The following MTMR10 variants were observed in gnomAD, a reference collection of about 807,000 sequenced individuals.
MTMR10 encodes the protein myotubularin-related protein 10.
In MTMR10, 56 loss-of-function variants were observed where a neutral mutation model predicts 88.1. The observed-to-expected ratio is 0.64, with a 90% CI of 0.51 to 0.79. The LOEUF (loss-of-function observed/expected upper bound fraction) is 0.79, where lower values mean the gene tolerates loss of function less well. MTMR10 is among the 30% of genes least tolerant of loss of function. The pLI is 0.00. For missense variants in MTMR10, 883 were observed against 924.7 expected, an observed-to-expected ratio of 0.95 and a Z score of 0.58; for synonymous variants, 380 against 340.9, an observed-to-expected ratio of 1.11 and a Z score of -1.26.
At chr15:30,931,514 A>G in the MTMR10 span, among the ~76,000 whole-genome samples, 1 of 152,244 alleles carries the variant, frequency 6.6e-6, no homozygotes, top group Non-Finnish European at 1.5e-5. Flanking sequence ...CAAGGTCACA[A>G]AGAGTTTCTC....
intron 6 of MTMR10, among the ~76,000 whole-genome samples, chr15:30,965,131 T>C (rs1048017388): frequency 1.3e-5 from 2 of 152,232 alleles, no homozygotes; most frequent in Admixed American, 6.5e-5. Flanking sequence ...TCCTGATGTA[T>C]ACAGCTGGCT....
chr15:30,960,812 C>T, intron 7 of MTMR10, 69 bp downstream of exon 7: 1 of 1,405,318 alleles, frequency 7.1e-7, no homozygotes, highest in Non-Finnish European at 9.3e-7. Flanking sequence ...TCAATGACAA[C>T]AGAGTTTGAT....
At chr15:30,978,740 C>T (rs1042039386) in intron 2 of MTMR10, among the ~76,000 whole-genome samples, 1 of 152,088 alleles carries the variant, frequency 6.6e-6, no homozygotes, top group African/African-American at 2.4e-5. Flanking sequence ...TAGTGGACTT[C>T]GCACTTATAA....
chr15:30,950,690 C>T (rs1225094993), intron 12 of MTMR10, among the ~76,000 whole-genome samples: 1 of 151,442 alleles, frequency 6.6e-6, no homozygotes, highest in Non-Finnish European at 1.5e-5. Context: ...AAAAGTACTT[C>T]TGCAAGCTTA....
intron 9 of MTMR10, among the ~76,000 whole-genome samples, chr15:30,955,871 G>A (rs1007379145): frequency 2.0e-5 from 3 of 152,030 alleles, no homozygotes; most frequent in Admixed American, 6.5e-5. Flanking sequence ...GGAGAGAATG[G>A]GCTACTATAA....
Position 30,940,264 on chromosome 15 carries a change from C to G in MTMR10, c.*1206G>C. On this transcript the variant is annotated 3_prime_UTR_variant, in exon 16 of 16. Transcript: ENST00000435680. ...CAGTGGTAGGTAGGCTCTTGTCACA[C>G]AGTTTGGAAATACTTTACTTTAGAG... The G allele has an allele frequency of 2.1e-6, 2 of 974,510 alleles. No individual in the cohort carries two copies. Among genetic ancestry groups the G allele is most frequent in the Non-Finnish European group, 2.4e-6 (2 of 823,836 alleles). 60.4% of individuals were successfully genotyped at this position (974,510 alleles called of 1,614,324 possible). A position where few individuals can be genotyped will look rare whatever the true frequency, so the allele number is the denominator to read the frequency against.
the MTMR10 span, chr15:30,922,269 A>T: frequency 1.9e-6 from 3 of 1,613,360 alleles, no homozygotes; most frequent in Non-Finnish European, 2.5e-6. Context: ...CTTTTGTCTC[A>T]GAGAATTTAT....
downstream of MTMR10, among the ~76,000 whole-genome samples, chr15:30,935,319 AAAAAAG>A (rs554778021): frequency 4.0e-3 from 603 of 151,996 alleles, 4 homozygotes; most frequent in South Asian, 0.012. Flanking sequence ...AAAAAAAAGA[AAAAAAG>A]AAAAAGAAAA....
chr15:30,946,692 A>C (rs1166446416), intron 14 of MTMR10: 2 of 701,028 alleles, frequency 2.9e-6, no homozygotes, highest in Non-Finnish European at 5.2e-6. Flanking sequence ...CTTAGTCATA[A>C]ATCCTCTACA....
the MTMR10 span, among the ~76,000 whole-genome samples, chr15:30,932,602 G>C: frequency 1.3e-5 from 2 of 152,022 alleles, no homozygotes; most frequent in Admixed American, 1.3e-4. Context: ...AACAACATAA[G>C]GCTGTTCATA....
intron 9 of MTMR10, among the ~76,000 whole-genome samples, chr15:30,956,019 T>G (rs1173176584): frequency 6.9e-6 from 1 of 145,920 alleles, no homozygotes; most frequent in African/African-American, 2.5e-5. Context: ...TTTTCCTGAA[T>G]AGAAAAAGTA....
At chr15:30,937,130 T>TA, downstream of MTMR10, 2 of 1,609,062 alleles carry the variant, frequency 1.2e-6, no homozygotes, top group Non-Finnish European at 1.7e-6. Flanking sequence ...TGGTGGAAGT[T>TA]AAAGGCCCCA....
intron 2 of MTMR10, among the ~76,000 whole-genome samples, chr15:30,989,557 T>C (rs1400826909): frequency 6.6e-6 from 1 of 151,862 alleles, no homozygotes. Flanking sequence ...ATGCTGATAG[T>C]AGCCACACAA....
Position 30,939,147 on chromosome 15 carries a change from C to A in MTMR10, c.*2323G>T. The A allele has an allele frequency of 1.0e-6, 1 of 985,364 alleles. No individual in the cohort carries two copies. Among genetic ancestry groups the A allele is most frequent in the Non-Finnish European group, 1.2e-6 (1 of 829,870 alleles). 61.0% of individuals were successfully genotyped at this position (985,364 alleles called of 1,614,324 possible). On this transcript the variant is annotated 3_prime_UTR_variant, in exon 16 of 16. Coordinates refer to ENST00000435680, the MANE Select transcript of MTMR10 (RefSeq NM_017762.3). ...AGCAGATTTTGTTGACAAATGTGAA[C>A]AGCTTTCACCCTCTGTTAGTACAAA...
At chr15:30,964,393 C>G (rs2063447931) in intron 6 of MTMR10, among the ~76,000 whole-genome samples, 1 of 152,192 alleles carries the variant, frequency 6.6e-6, no homozygotes, top group African/African-American at 2.4e-5. Context: ...CTAACTTACA[C>G]AAATTTTTCT....
chr15:30,975,790 A>G (rs960433074), intron 3 of MTMR10, among the ~76,000 whole-genome samples: 1 of 152,218 alleles, frequency 6.6e-6, no homozygotes, highest in African/African-American at 2.4e-5. Flanking sequence ...AAACTATTAG[A>G]TCCTTAAATT....
intron 9 of MTMR10, among the ~76,000 whole-genome samples, chr15:30,957,741 C>T (rs1016147238): frequency 2.0e-5 from 3 of 152,066 alleles, no homozygotes; most frequent in Non-Finnish European, 2.9e-5. Flanking sequence ...AGTGGGTAAG[C>T]GTGGAGAGTG....
Position 30,958,912 on chromosome 15 carries a change from G to A in MTMR10, c.886C>T (p.Arg296Ter), listed in dbSNP as rs1477482617. The A allele has an allele frequency of 8.1e-6, 13 of 1,613,804 alleles. No homozygotes were observed. Among genetic ancestry groups the A allele is most frequent in the East Asian group, 4.5e-5 (2 of 44,900 alleles). The change falls in exon 9 of 16, where the codon CGA becomes TGA. Residue 296 changes from arginine (R) to a stop codon, truncating the protein, a stop_gained. Transcript: ENST00000435680. LOFTEE classifies it high-confidence loss of function. ...AGCACGTCTTTGATGAGGGCCATTC[G>A]CACAAGAGCACTGCCGTTAGAGTGG... The part of the protein sequence containing the change: ...WSHSNGSALV[R>*]MALIKDVLQQ...
At chr15:30,980,458 C>T (rs2030492068) in intron 2 of MTMR10, among the ~76,000 whole-genome samples, 2 of 152,186 alleles carry the variant, frequency 1.3e-5, no homozygotes, top group South Asian at 4.1e-4. Flanking sequence ...TTATGCTTGC[C>T]TTAATAAACA....
Sources: gnomAD v4.1 joint callset for allele counts (sites outside exome capture counted in the v4.1 genomes callset) on GRCh38, gnomAD v4.1.1 for gene constraint, MANE v1.5 for transcripts, NCBI Gene and HGNC (gene_info 2026-07-23, HGNC 2026-07-21) for gene names.